FBXL7: variants seen among roughly 807,000 people sequenced by gnomAD.
FBXL7 encodes F-box and leucine rich repeat protein 7.
In FBXL7, 12 loss-of-function variants were observed where a neutral mutation model predicts 38.3. The observed-to-expected ratio is 0.31, with a 90% confidence interval of 0.20 to 0.51. The LOEUF (loss-of-function observed/expected upper bound fraction) is 0.51. FBXL7 is among the 20% of genes least tolerant of loss of function. The probability of loss-of-function intolerance (pLI) is 0.98; values close to 1 mark genes in which losing one functional copy is unlikely to be tolerated. For synonymous variants in FBXL7, 297 were observed against 300.9 expected, an observed-to-expected ratio of 0.99 and a Z score of 0.13; for missense variants, 567 against 676.4, an observed-to-expected ratio of 0.84 and a Z score of 1.79.
chr5:15,619,007 G>A (rs542913204), intron 2 of FBXL7, among the ~76,000 whole-genome samples: 17 of 152,246 alleles, frequency 1.1e-4, no homozygotes, highest in African/African-American at 3.6e-4. Flanking sequence ...AAGTTCATGT[G>A]CCCCCATTTA....
chr5:15,553,730 A>T (rs1305216437), intron 1 of FBXL7, among the ~76,000 whole-genome samples: 1 of 152,232 alleles, frequency 6.6e-6, no homozygotes, highest in East Asian at 1.9e-4. Flanking sequence ...GGAAAAAAAA[A>T]GGTACACAGG....
intron 1 of FBXL7, among the ~76,000 whole-genome samples, chr5:15,518,975 G>A (rs1173847491): frequency 6.6e-6 from 1 of 152,074 alleles, no homozygotes; most frequent in African/African-American, 2.4e-5. Context: ...CTTGCAGTCC[G>A]GTGAGGAGGC....
intron 2 of FBXL7, among the ~76,000 whole-genome samples, chr5:15,879,686 A>G (rs549135844): frequency 6.6e-6 from 1 of 152,298 alleles, no homozygotes; most frequent in Admixed American, 6.5e-5. Context: ...GGTAGTATCA[A>G]ATTCATCCAT....
chr5:15,855,742 C>G (rs1739252891), intron 2 of FBXL7, among the ~76,000 whole-genome samples: 1 of 151,964 alleles, frequency 6.6e-6, no homozygotes, highest in Admixed American at 6.6e-5. Flanking sequence ...TTACAGTTTG[C>G]CAGGCTTTGT....
At chr5:15,778,590 GA>G (rs1466639938) in intron 2 of FBXL7, among the ~76,000 whole-genome samples, 1 of 152,040 alleles carries the variant, frequency 6.6e-6, no homozygotes, top group East Asian at 1.9e-4. Flanking sequence ...AGAAGGCATT[GA>G]TTCACCACTC....
At chr5:15,777,827 A>T (rs2126717694) in intron 2 of FBXL7, among the ~76,000 whole-genome samples, 1 of 151,770 alleles carries the variant, frequency 6.6e-6, no homozygotes, top group East Asian at 1.9e-4. Flanking sequence ...CTACTATTAC[A>T]TGTGATCTAG....
At chr5:15,772,221 T>G (rs919646885) in intron 2 of FBXL7, among the ~76,000 whole-genome samples, 4 of 152,206 alleles carry the variant, frequency 2.6e-5, no homozygotes, top group Non-Finnish European at 5.9e-5. Flanking sequence ...CTTCCTCCTC[T>G]GCTCCACTTA....
At chr5:15,831,746 A>G (rs1738461220) in intron 2 of FBXL7, among the ~76,000 whole-genome samples, 1 of 152,020 alleles carries the variant, frequency 6.6e-6, no homozygotes, top group Non-Finnish European at 1.5e-5. Context: ...TAAATTCTGG[A>G]GGGATAGTGG....
At chr5:15,524,774 G>A (rs1737204229) in intron 1 of FBXL7, among the ~76,000 whole-genome samples, 1 of 152,210 alleles carries the variant, frequency 6.6e-6, no homozygotes, top group African/African-American at 2.4e-5. Flanking sequence ...AAATTATAAT[G>A]TGAGTAACCC....
chr5:15,665,649 C>G (rs544053126), intron 2 of FBXL7, among the ~76,000 whole-genome samples: 1 of 152,058 alleles, frequency 6.6e-6, no homozygotes, highest in Non-Finnish European at 1.5e-5. Flanking sequence ...TTTAAATTAG[C>G]CCAAAATAAA....
intron 2 of FBXL7, among the ~76,000 whole-genome samples, chr5:15,912,886 A>G (rs1038237859): frequency 2.0e-5 from 3 of 152,310 alleles, no homozygotes; most frequent in Non-Finnish European, 4.4e-5. Flanking sequence ...TAGTAGGCCC[A>G]GGGAACTACC....
At chr5:15,727,019 A>G (rs928345163) in intron 2 of FBXL7, among the ~76,000 whole-genome samples, 2 of 152,044 alleles carry the variant, frequency 1.3e-5, no homozygotes, top group Admixed American at 6.5e-5. Context: ...TGTTATTACC[A>G]TAAGGATTAC....
intron 2 of FBXL7, among the ~76,000 whole-genome samples, chr5:15,662,094 G>A (rs1048149402): frequency 3.9e-5 from 6 of 152,030 alleles, no homozygotes; most frequent in African/African-American, 9.7e-5. Context: ...TTTAGGAATC[G>A]CCATATTGCT....
chr5:15,772,656 T>TA (rs1394210323), intron 2 of FBXL7, among the ~76,000 whole-genome samples: 1 of 152,242 alleles, frequency 6.6e-6, no homozygotes, highest in African/African-American at 2.4e-5. Flanking sequence ...CAAGAATTTT[T>TA]AAAAAATGGC....
chr5:15,922,530 T>G (rs1741770836), intron 2 of FBXL7, among the ~76,000 whole-genome samples: 1 of 152,170 alleles, frequency 6.6e-6, no homozygotes, highest in Non-Finnish European at 1.5e-5. Flanking sequence ...TGCTACAGTT[T>G]CACCACAATC....
At chr5:15,567,603 T>TA (rs1290872355) in intron 1 of FBXL7, among the ~76,000 whole-genome samples, 2 of 151,544 alleles carry the variant, frequency 1.3e-5, no homozygotes, top group Admixed American at 6.6e-5. Flanking sequence ...TATATATATA[T>TA]TTTTTATTAT....
intron 2 of FBXL7, among the ~76,000 whole-genome samples, chr5:15,903,514 T>A (rs1005584796): frequency 7.9e-5 from 12 of 152,212 alleles, no homozygotes; most frequent in Non-Finnish European, 1.6e-4. Context: ...CACAATTTAT[T>A]CCAACTGACA....
intron 1 of FBXL7, among the ~76,000 whole-genome samples, chr5:15,594,072 C>A (rs1240559982): frequency 6.6e-6 from 1 of 152,320 alleles, no homozygotes; most frequent in East Asian, 1.9e-4. Context: ...CCAGTGCTCA[C>A]AATATGTTCT....
intron 2 of FBXL7, among the ~76,000 whole-genome samples, chr5:15,619,725 A>G (rs1408995681): frequency 6.6e-6 from 1 of 152,198 alleles, no homozygotes; most frequent in Admixed American, 6.5e-5. Flanking sequence ...GATAATATTC[A>G]GTTTTCCGGC....
Sources: allele counts gnomAD v4.1 joint callset (sites outside exome capture counted in the v4.1 genomes callset), GRCh38; gene constraint gnomAD v4.1.1; transcripts MANE v1.5; gene names NCBI Gene and HGNC (gene_info 2026-07-23, HGNC 2026-07-21).